The following FAM13C variants were observed in gnomAD, a reference collection of about 807,000 sequenced individuals.
FAM13C encodes the protein family with sequence similarity 13 member C, also known as protein FAM13C.
A neutral mutation model predicts 73.2 loss-of-function variants in FAM13C; 37 were observed. The ratio of observed to expected loss-of-function variants is 0.51; its 90% CI spans 0.39 to 0.67. The LOEUF (loss-of-function observed/expected upper bound fraction) is 0.67, where lower values mean the gene tolerates loss of function less well. Among genes scored for constraint, FAM13C ranks in the 30% least tolerant of loss-of-function variants. FAM13C has a pLI of 0.00. For missense variants in FAM13C, 589 were observed against 715.6 expected, an observed-to-expected ratio of 0.82 and a Z score of 2.02; for synonymous variants, 246 against 260.9, an observed-to-expected ratio of 0.94 and a Z score of 0.55.
intron 5 of FAM13C, chr10:59,283,722 A>G (rs1045300333): frequency 3.4e-6 from 2 of 583,342 alleles, no homozygotes; most frequent in Non-Finnish European, 6.1e-6. Flanking sequence ...CCTAACGTAT[A>G]TGGATTATCT....
At chr10:59,362,737 G>T, upstream of FAM13C, 1 of 577,566 alleles carries the variant, frequency 1.7e-6, no homozygotes, top group Non-Finnish European at 2.9e-6. Flanking sequence ...AGCACCTGGA[G>T]AGTTACCACA....
At chr10:59,358,982 A>G (rs765855465) in intron 1 of FAM13C, among the ~76,000 whole-genome samples, 4 of 152,200 alleles carry the variant, frequency 2.6e-5, no homozygotes, top group African/African-American at 4.8e-5. Context: ...GGTAAAGACC[A>G]TCAACTTCTA....
In FAM13C at chr10:59,357,020, G is replaced by T. The variant is rs138453963; in HGVS notation, c.63-1077C>A. On this transcript the variant is annotated intron_variant, in intron 1 of 13. Coordinates refer to ENST00000618804, the MANE Select transcript of FAM13C (RefSeq NM_198215.4). ...ACTCTCGGACTTACACCAGTGATTT[G>T]CCAGGGGCTCTTGTGCCTTTGGCCA... Among the ~76,000 whole-genome samples, 622 of 152,264 alleles carry T rather than the reference G, an allele frequency of 4.1e-3. 3 individuals are homozygous for T. The highest frequency in any genetic ancestry group is 0.014 in the African/African-American group (593 of 41,554).
At chr10:59,323,930 A>AGTTG (rs34090373) in intron 4 of FAM13C, 58 bp downstream of exon 4, 544,906 of 1,423,970 alleles carry the variant, frequency 0.38, 108,414 homozygotes, top group African/African-American at 0.66. Context: ...GCAAGCACAC[A>AGTTG]GCATTTCTGA....
chr10:59,270,177 A>G, intron 6 of FAM13C, 68 bp from the exon 7 acceptor site: 1 of 1,456,996 alleles, frequency 6.9e-7, no homozygotes, highest in Non-Finnish European at 9.4e-7. Flanking sequence ...ATGTTCCTAA[A>G]TAAAGATCAT....
chr10:59,254,576 C>CATTT (rs3078249), intron 10 of FAM13C, 133 bp from the exon 11 acceptor site: 7,484 of 220,552 alleles, frequency 0.034, 191 homozygotes, highest in South Asian at 0.053. Flanking sequence ...AAAGGAAAGT[C>CATTT]ATTTATTTAT....
intron 3 of FAM13C, among the ~76,000 whole-genome samples, chr10:59,351,507 C>A (rs1223665953): frequency 6.6e-6 from 1 of 152,158 alleles, no homozygotes; most frequent in Non-Finnish European, 1.5e-5. Context: ...CCAGATACTA[C>A]ACACACATAC....
At chr10:59,334,748 G>C (rs558748334) in intron 3 of FAM13C, among the ~76,000 whole-genome samples, 1 of 136,692 alleles carries the variant, frequency 7.3e-6, no homozygotes, top group African/African-American at 2.7e-5. Context: ...ATCACACACC[G>C]GGGCCTGTTG....
chr10:59,268,527 C>A, intron 8 of FAM13C, 26 bp downstream of exon 8: 6 of 1,612,564 alleles, frequency 3.7e-6, no homozygotes, highest in Middle Eastern at 1.7e-4. Context: ...CCAATCCGCT[C>A]CTATGTCAAA....
In FAM13C at chr10:59,324,007, T is replaced by C; in HGVS notation, c.424A>G (p.Thr142Ala). The C allele has an allele frequency of 6.2e-7, 1 of 1,614,066 alleles. No homozygotes were observed. Among genetic ancestry groups the C allele is most frequent in the Non-Finnish European group, 8.5e-7 (1 of 1,179,946 alleles). The change falls in exon 4 of 14, where the codon ACA (threonine) becomes GCA (alanine). Residue 142 changes from threonine (T) to alanine (A), a missense_variant. By Grantham distance (58) the Thr-to-Ala change is moderately conservative. Coordinates refer to ENST00000618804, the MANE Select transcript of FAM13C (RefSeq NM_198215.4). ...PQNNAFKCQE[T>A]VRLQPRIDQR... ...GCCCACCTTGGTTGAAGTCGCACTGTTTCTTGGCACTTGAAGGCATTGTTT... is the reference window on the plus strand; with the variant it reads ...GCCCACCTTGGTTGAAGTCGCACTGCTTCTTGGCACTTGAAGGCATTGTTT...
In FAM13C at chr10:59,267,199, G is replaced by A. The variant is rs138407995; in HGVS notation, c.942+1354C>T. 1.1e-4 allele frequency among the ~76,000 whole-genome samples: 17 copies of A among 152,270 alleles called. No individual in the cohort carries two copies. In the East Asian group the frequency reaches 2.1e-3, roughly 19 times the overall value. ...GTTGTTACTCTGTATTTTCCAATAC[G>A]AGGACATCATAGATCCAGTAACACG... On this transcript the variant is annotated intron_variant, in intron 8 of 13. Transcript: ENST00000618804.
intron 8 of FAM13C, 80 bp from the exon 9 acceptor site, chr10:59,264,246 CAA>C (rs1842802065): frequency 1.3e-5 from 13 of 1,038,280 alleles, no homozygotes; most frequent in Non-Finnish European, 1.2e-5. Context: ...AAAGGAAAAA[CAA>C]AATTTTTAAA....
intron 3 of FAM13C, among the ~76,000 whole-genome samples, chr10:59,344,453 T>TTA (rs961540547): frequency 1.3e-5 from 2 of 149,876 alleles, no homozygotes; most frequent in African/African-American, 2.5e-5. Flanking sequence ...TGATTTTTTT[T>TTA]TTTTATTTTT....
intron 4 of FAM13C, among the ~76,000 whole-genome samples, chr10:59,320,542 T>C (rs998843311): frequency 1.3e-5 from 2 of 152,182 alleles, no homozygotes; most frequent in African/African-American, 4.8e-5. Flanking sequence ...TTAGCTGAAT[T>C]AAATTTAAAA....
intron 3 of FAM13C, among the ~76,000 whole-genome samples, chr10:59,343,597 G>A (rs938124402): frequency 6.6e-6 from 1 of 152,212 alleles, no homozygotes; most frequent in Non-Finnish European, 1.5e-5. Flanking sequence ...TGGACAATTA[G>A]TAGAGAATGG....
At chr10:59,331,379 G>A (rs867937184) in intron 3 of FAM13C, among the ~76,000 whole-genome samples, 1 of 152,180 alleles carries the variant, frequency 6.6e-6, no homozygotes, top group South Asian at 2.1e-4. Context: ...GTGTAAGTGA[G>A]AGCATGGAAT....
upstream of FAM13C, chr10:59,362,642 C>G: frequency 7.2e-7 from 1 of 1,387,982 alleles, no homozygotes. Flanking sequence ...ACGGGCGAAC[C>G]ACAAAGCCCG....
intron 1 of FAM13C, among the ~76,000 whole-genome samples, chr10:59,357,466 A>G (rs141049440): frequency 1.9e-3 from 296 of 152,340 alleles, no homozygotes; most frequent in African/African-American, 6.7e-3. Context: ...AAATACTTGA[A>G]TTGAAATATT....
At chr10:59,278,581 C>T (rs567778376) in intron 6 of FAM13C, among the ~76,000 whole-genome samples, 1 of 152,238 alleles carries the variant, frequency 6.6e-6, no homozygotes, top group African/African-American at 2.4e-5. Context: ...GGCTTCTACT[C>T]ACCAGATGCC....
Sources: allele counts gnomAD v4.1 joint callset (sites outside exome capture counted in the v4.1 genomes callset), GRCh38; gene constraint gnomAD v4.1.1; transcripts MANE v1.5; gene names NCBI Gene and HGNC (gene_info 2026-07-23, HGNC 2026-07-21).